EDA2R: variants seen among roughly 807,000 people sequenced by gnomAD.
EDA2R encodes ectodysplasin A2 receptor.
In EDA2R, 26 loss-of-function variants were observed where a neutral mutation model predicts 20.1. That is an observed-to-expected ratio of 1.30 (90% CI 0.95 to 1.80). The LOEUF is 1.80. Among genes scored for constraint, EDA2R ranks in the 40% most tolerant of loss-of-function variants. The probability of loss-of-function intolerance (pLI) is 0.00; values close to 1 mark genes in which losing one functional copy is unlikely to be tolerated. For missense variants in EDA2R, 277 were observed against 228.7 expected (o/e 1.21, Z -1.36); for synonymous variants, 114 against 88.7 (o/e 1.29, Z -1.60).
intron 4 of EDA2R, among the ~76,000 whole-genome samples, chrX:66,604,030 A>G (rs1929161379): frequency 8.9e-6 from 1 of 111,826 alleles, no homozygotes; most frequent in Non-Finnish European, 1.9e-5. Flanking sequence ...CTAGTTCTTC[A>G]TTCAGCCTCT....
Position 66,604,453 on chromosome X carries a change from C to A in EDA2R, c.320G>T (p.Cys107Phe). The A allele has an allele frequency of 8.3e-7, 1 of 1,209,015 alleles. No homozygotes were observed. Among genetic ancestry groups the A allele is most frequent in the Non-Finnish European group, 1.1e-6 (1 of 894,002 alleles). The change falls in exon 4 of 7, where the codon TGC (cysteine) becomes TTC (phenylalanine). Residue 107 changes from cysteine to phenylalanine, a missense_variant. Physicochemically the swap from Cys to Phe is radical, Grantham distance 205. Coordinates refer to ENST00000374719, the MANE Select transcript of EDA2R (RefSeq NM_021783.5). ...GGLQDQECIP[C>F]TKQTPTSEVQ... ...CTCAGAGGTGGGGGTCTGCTTCGTGCACGGGATGCACTCTTGGTCCTGCAG... is the reference window on the plus strand; with the variant it reads ...CTCAGAGGTGGGGGTCTGCTTCGTGAACGGGATGCACTCTTGGTCCTGCAG...
At chrX:66,631,150 C>T (rs1197249758) in intron 1 of EDA2R, among the ~76,000 whole-genome samples, 1 of 110,027 alleles carries the variant, frequency 9.1e-6, no homozygotes, top group Non-Finnish European at 1.9e-5. Flanking sequence ...TATGTGGGAG[C>T]TAAGCTATGA....
chrX:66,596,535 T>G lies in EDA2R; in HGVS notation c.*1569A>C, dbSNP rs187361405. 1 of 110,865 alleles carries G rather than the reference T, an allele frequency of 9.0e-6. No homozygotes were observed. The allele number at this position is 110,865 out of a possible 1,213,427, so 9.1% of individuals were successfully genotyped here. A position where few individuals can be genotyped will look rare whatever the true frequency, so the allele number is the denominator to read the frequency against. ...TTTATCATATTTTTGTTATTATTAT[T>G]ATTATTACTGTGTTACCATCATTAT... On this transcript the variant is annotated 3_prime_UTR_variant, in exon 7 of 7. Transcript: ENST00000374719.
intron 2 of EDA2R, among the ~76,000 whole-genome samples, chrX:66,610,044 AT>A (rs1461273288): frequency 9.0e-6 from 1 of 111,697 alleles, no homozygotes; most frequent in Non-Finnish European, 1.9e-5. Context: ...TTACATAAAA[AT>A]TTTAAAAAGT....
rs750193046 is a variant in EDA2R at position 66,604,948 on chromosome X, TAAG to T, written c.266+97_266+99del. 14 of 759,986 alleles carry T rather than the reference TAAG, an allele frequency of 1.8e-5. No individual in the cohort carries two copies. The African/African-American group carries it at 2.8e-4, about 15-fold the overall frequency. 62.6% of individuals were successfully genotyped at this position (759,986 alleles called of 1,213,427 possible). A position where few individuals can be genotyped will look rare whatever the true frequency, so the allele number is the denominator to read the frequency against. ...GAGCTTAAACTGAATATTATGTTTA[TAAG>T]AAGAATATTTCGACTAAGTTCTGAG... On this transcript the variant is annotated intron_variant, in intron 3 of 6. Coordinates refer to ENST00000374719, the MANE Select transcript of EDA2R (RefSeq NM_021783.5).
intron 1 of EDA2R, among the ~76,000 whole-genome samples, chrX:66,631,821 G>A (rs945859088): frequency 4.5e-5 from 5 of 111,608 alleles, no homozygotes; most frequent in South Asian, 3.8e-4. Flanking sequence ...TGAAAGGAGC[G>A]CAGCTTGGTA....
At position 66,599,483 on chromosome X, in the gene EDA2R, G is replaced by A. The variant is rs1404494081; in HGVS notation, c.*1C>T. 4.3e-6 allele frequency: 5 copies of A among 1,151,050 alleles called. No homozygotes were observed. Among genetic ancestry groups the A allele is most frequent in the Non-Finnish European group, 5.8e-6 (5 of 862,249 alleles). The allele number at this position is 1,151,050 out of a possible 1,213,427, so 94.9% of individuals were successfully genotyped here. On this transcript the variant is annotated 3_prime_UTR_variant, in exon 6 of 7. Coordinates refer to ENST00000374719, the MANE Select transcript of EDA2R (RefSeq NM_021783.5). Reference sequence around the variant, plus strand: ...CACCTTTCCAGCTCACCTCATTAGAGTTAAGGGCTGGGAACTTCAAAGGGC... The same window carrying A: ...CACCTTTCCAGCTCACCTCATTAGAATTAAGGGCTGGGAACTTCAAAGGGC...
chrX:66,604,782 A>G (rs1444578789), intron 3 of EDA2R, among the ~76,000 whole-genome samples: 1 of 111,662 alleles, frequency 9.0e-6, no homozygotes, highest in Non-Finnish European at 1.9e-5. Context: ...ACTTCTTTTA[A>G]GTCTACAGTG....
Position 66,605,224 on chromosome X carries a change from A to T in EDA2R, c.90T>A (p.Asp30Glu), listed in dbSNP as rs754507394. The change falls in exon 3 of 7, where the codon GAT becomes GAA. Residue 30 changes from aspartate (D) to glutamate (E), a missense_variant and splice_region_variant. Asp to Glu is a conservative substitution (Grantham distance 45). Transcript: ENST00000374719. ...RCGPGQELSK[D>E]CGYGEGGDAY... ...CATCTCCACCCTCTCCATAACCACA[A>T]TCCTGTAGACAGATGGGGGTTGTTA... 5.8e-6 allele frequency: 7 copies of T among 1,201,237 alleles called. No individual in the cohort carries two copies. The highest frequency in any genetic ancestry group is 7.9e-6 in the Non-Finnish European group (7 of 891,043).
chrX:66,624,518 CAAAT>C (rs992442706), intron 1 of EDA2R, among the ~76,000 whole-genome samples: 4 of 111,431 alleles, frequency 3.6e-5, no homozygotes, highest in African/African-American at 9.8e-5. Context: ...GACTCTGTCT[CAAAT>C]AAATAAATGA....
intron 1 of EDA2R, among the ~76,000 whole-genome samples, chrX:66,631,766 G>A (rs1933835628): frequency 9.0e-6 from 1 of 111,463 alleles, no homozygotes. Flanking sequence ...GATTCTGGGA[G>A]TTTCTGCCTG....
At chrX:66,626,051 T>C (rs1197787692) in intron 1 of EDA2R, among the ~76,000 whole-genome samples, 1 of 111,168 alleles carries the variant, frequency 9.0e-6, no homozygotes, top group Non-Finnish European at 1.9e-5. Context: ...TGACAGAGCC[T>C]ACGCAAATGA....
intron 2 of EDA2R, among the ~76,000 whole-genome samples, chrX:66,610,302 C>T (rs1930515842): frequency 1.8e-5 from 2 of 110,122 alleles, no homozygotes. Flanking sequence ...CACACACACA[C>T]ACACACACAC....
At chrX:66,599,364 T>C (rs1433442162) in intron 6 of EDA2R, 110 bp downstream of exon 6, 2 of 897,869 alleles carry the variant, frequency 2.2e-6, no homozygotes. Flanking sequence ...CTTGCTGCTG[T>C]TCCTCCACTC....
At chrX:66,618,827 G>A (rs5964555) in intron 1 of EDA2R, among the ~76,000 whole-genome samples, 7,317 of 112,132 alleles carry the variant, frequency 0.065, 587 homozygotes, top group African/African-American at 0.22. Flanking sequence ...CTCTTAGTTA[G>A]GGACATGTAG....
At chrX:66,629,085 A>T (rs957326678) in intron 1 of EDA2R, among the ~76,000 whole-genome samples, 11 of 112,105 alleles carry the variant, frequency 9.8e-5, no homozygotes, top group Non-Finnish European at 1.5e-4. Flanking sequence ...ATTTAAAACA[A>T]AAATCACATG....
Position 66,597,853 on chromosome X carries a change from G to T in EDA2R, c.*251C>A. ...TATAATCAAGTTGAGCTAGGAACATGTCTGGTAGTCCCATGAATGTGGAAT... is the reference window on the plus strand; with the variant it reads ...TATAATCAAGTTGAGCTAGGAACATTTCTGGTAGTCCCATGAATGTGGAAT... On this transcript the variant is annotated 3_prime_UTR_variant, in exon 7 of 7. Transcript: ENST00000374719. The T allele has an allele frequency of 4.9e-6, 1 of 203,199 alleles. No individual in the cohort carries two copies. The highest frequency in any genetic ancestry group is 8.9e-6 in the Non-Finnish European group (1 of 112,420). The allele number at this position is 203,199 out of a possible 1,213,427, so 16.7% of individuals were successfully genotyped here. A position where few individuals can be genotyped will look rare whatever the true frequency, so the allele number is the denominator to read the frequency against.
At chrX:66,620,261 G>A (rs769994080) in intron 1 of EDA2R, among the ~76,000 whole-genome samples, 1 of 111,807 alleles carries the variant, frequency 8.9e-6, no homozygotes, top group East Asian at 2.8e-4. Context: ...ACATTGGACT[G>A]CTTTTAATTT....
chrX:66,629,771 CA>C (rs1363121482), intron 1 of EDA2R, among the ~76,000 whole-genome samples: 1 of 110,780 alleles, frequency 9.0e-6, no homozygotes, highest in African/African-American at 3.3e-5. Flanking sequence ...CTGCCAAAAG[CA>C]ATCTAGAAAT....
Sources: gnomAD v4.1 joint callset for allele counts (sites outside exome capture counted in the v4.1 genomes callset) on GRCh38, gnomAD v4.1.1 for gene constraint, MANE v1.5 for transcripts, NCBI Gene and HGNC (gene_info 2026-07-23, HGNC 2026-07-21) for gene names.